RABGAP1L: variants seen among roughly 807,000 people sequenced by gnomAD.
The protein encoded by RABGAP1L is rab GTPase-activating protein 1-like.
A neutral mutation model predicts 137.7 loss-of-function variants in RABGAP1L; 63 were observed. The ratio of observed to expected loss-of-function variants is 0.46; its 90% CI spans 0.37 to 0.56. The LOEUF (loss-of-function observed/expected upper bound fraction) is 0.56. Among genes scored for constraint, RABGAP1L ranks in the 20% least tolerant of loss-of-function variants. The probability of loss-of-function intolerance (pLI) is 0.00; values close to 1 mark genes in which losing one functional copy is unlikely to be tolerated. For missense variants in RABGAP1L, 1,095 were observed against 1,244.0 expected (o/e 0.88, Z 1.80); for synonymous variants, 431 against 433.7 (o/e 0.99, Z 0.08).
chr1:174,878,082 T>A (rs1196325142), intron 19 of RABGAP1L, among the ~76,000 whole-genome samples: 2 of 152,270 alleles, frequency 1.3e-5, no homozygotes, highest in East Asian at 1.9e-4. Flanking sequence ...GTAAAAAAAA[T>A]TTGCCATTCT....
At chr1:174,665,384 C>T (rs1209207960) in intron 14 of RABGAP1L, among the ~76,000 whole-genome samples, 1 of 151,642 alleles carries the variant, frequency 6.6e-6, no homozygotes, top group Non-Finnish European at 1.5e-5. Context: ...CTTTTCCTTT[C>T]CTTTCTTTCT....
At position 174,311,128 on chromosome 1, in the gene RABGAP1L, T is replaced by C. The variant is rs576170335; in HGVS notation, c.1465+6001T>C. Reference sequence around the variant, plus strand: ...CTGCTGTAAGGGTACTACCCAAGATTGGGTAATTTATAAACAAAGGAGGTT... The same window carrying C: ...CTGCTGTAAGGGTACTACCCAAGATCGGGTAATTTATAAACAAAGGAGGTT... On this transcript the variant is annotated intron_variant, in intron 11 of 25. Transcript: ENST00000681986. Among the ~76,000 whole-genome samples, 3 of 152,218 alleles carry C rather than the reference T, an allele frequency of 2.0e-5. No homozygotes were observed. The East Asian group carries it at 5.8e-4, about 29-fold the overall frequency.
At chr1:174,540,729 A>G (rs941525375) in intron 13 of RABGAP1L, among the ~76,000 whole-genome samples, 4 of 152,172 alleles carry the variant, frequency 2.6e-5, no homozygotes, top group Non-Finnish European at 5.9e-5. Flanking sequence ...AGGTAGCGTG[A>G]TGCCTCCAGC....
At chr1:174,915,560 G>T (rs762616820) in intron 19 of RABGAP1L, among the ~76,000 whole-genome samples, 1 of 152,086 alleles carries the variant, frequency 6.6e-6, no homozygotes, top group Non-Finnish European at 1.5e-5. Context: ...AGGTTCAAGC[G>T]ATTCTCCTGC....
chr1:174,757,979 C>T (rs1684896823), intron 18 of RABGAP1L, among the ~76,000 whole-genome samples: 1 of 147,880 alleles, frequency 6.8e-6, no homozygotes, highest in Admixed American at 6.9e-5. Context: ...GCCAAGATTG[C>T]ACCATTGCAC....
At chr1:174,709,804 T>C (rs1007353902) in intron 17 of RABGAP1L, among the ~76,000 whole-genome samples, 1 of 152,128 alleles carries the variant, frequency 6.6e-6, no homozygotes. Context: ...AGCAAGAGAA[T>C]AGAACTGGAT....
intron 10 of RABGAP1L, among the ~76,000 whole-genome samples, chr1:174,299,659 GT>G (rs1279580792): frequency 2.6e-5 from 4 of 152,122 alleles, no homozygotes; most frequent in Non-Finnish European, 5.9e-5. Context: ...TTCAAAATAA[GT>G]TTCCTTGACT....
At chr1:174,277,198 G>A (rs1368795734) in intron 9 of RABGAP1L, among the ~76,000 whole-genome samples, 2 of 151,564 alleles carry the variant, frequency 1.3e-5, no homozygotes, top group African/African-American at 2.4e-5. Flanking sequence ...AAAAATAAAG[G>A]CTAAACAGAA....
Position 174,465,739 on chromosome 1 carries a change from C to T in RABGAP1L, c.1710+71594C>T, listed in dbSNP as rs16847052. ...AGATGGGAGGCAGCTTCTCCATGAACTTTGGTTTACAAATATCTCATCATT... is the reference window on the plus strand; with the variant it reads ...AGATGGGAGGCAGCTTCTCCATGAATTTTGGTTTACAAATATCTCATCATT... On this transcript the variant is annotated intron_variant, in intron 13 of 25. Coordinates refer to ENST00000681986, the MANE Select transcript of RABGAP1L (RefSeq NM_001366446.1). 5.0e-3 allele frequency among the ~76,000 whole-genome samples: 758 copies of T among 152,294 alleles called. 6 individuals are homozygous for T. The highest frequency in any genetic ancestry group is 0.016 in the African/African-American group (656 of 41,556).
chr1:174,745,758 A>G (rs542392967), intron 17 of RABGAP1L, among the ~76,000 whole-genome samples: 1 of 152,336 alleles, frequency 6.6e-6, no homozygotes, highest in South Asian at 2.1e-4. Flanking sequence ...TATTTACCAA[A>G]TACTCAGTTC....
intron 4 of RABGAP1L, among the ~76,000 whole-genome samples, chr1:174,239,896 GC>G (rs1362878449): frequency 2.6e-5 from 4 of 152,098 alleles, no homozygotes; most frequent in African/African-American, 9.7e-5. Flanking sequence ...GAAAACTTTT[GC>G]TAAATTCCAA....
chr1:174,349,903 G>T (rs895748853), intron 11 of RABGAP1L, among the ~76,000 whole-genome samples: 5 of 138,308 alleles, frequency 3.6e-5, no homozygotes, highest in Non-Finnish European at 6.5e-5. Flanking sequence ...CTGGCCAGGT[G>T]GGGGGCTGAC....
chr1:174,347,343 G>C (rs951271361), intron 11 of RABGAP1L, among the ~76,000 whole-genome samples: 2 of 152,108 alleles, frequency 1.3e-5, no homozygotes, highest in Non-Finnish European at 2.9e-5. Context: ...CATTGGGGCT[G>C]ATCTCTTTCT....
At chr1:174,203,061 C>T (rs188953572) in intron 1 of RABGAP1L, among the ~76,000 whole-genome samples, 82 of 152,200 alleles carry the variant, frequency 5.4e-4, no homozygotes, top group Admixed American at 1.4e-3. Flanking sequence ...TTGATGTCTT[C>T]GTCATGAAAT....
intron 17 of RABGAP1L, among the ~76,000 whole-genome samples, chr1:174,726,222 G>A (rs1282169386): frequency 6.6e-6 from 1 of 151,974 alleles, no homozygotes; most frequent in East Asian, 1.9e-4. Flanking sequence ...ATCTTTGCGG[G>A]GTTGGAGTTT....
chr1:174,325,833 G>A (rs1394914919), intron 11 of RABGAP1L, among the ~76,000 whole-genome samples: 1 of 152,182 alleles, frequency 6.6e-6, no homozygotes, highest in Non-Finnish European at 1.5e-5. Flanking sequence ...CATAGGAGCT[G>A]CACTAAAGGG....
intron 19 of RABGAP1L, among the ~76,000 whole-genome samples, chr1:174,817,417 A>T (rs922156742): frequency 1.4e-4 from 22 of 152,200 alleles, no homozygotes; most frequent in African/African-American, 5.1e-4. Flanking sequence ...AGGGAGAAGG[A>T]TGTTTCATGC....
chr1:174,575,274 T>C (rs936067394), intron 13 of RABGAP1L, among the ~76,000 whole-genome samples: 4 of 152,220 alleles, frequency 2.6e-5, no homozygotes, highest in Admixed American at 2.6e-4. Flanking sequence ...GATAACTTTT[T>C]ACCTGGATAA....
intron 19 of RABGAP1L, among the ~76,000 whole-genome samples, chr1:174,861,561 A>G (rs1393810380): frequency 2.0e-5 from 3 of 152,218 alleles, no homozygotes; most frequent in African/African-American, 7.2e-5. Context: ...GCCAATTTAC[A>G]TTTCCACCAA....
Sources: gnomAD v4.1 joint callset for allele counts (sites outside exome capture counted in the v4.1 genomes callset) on GRCh38, gnomAD v4.1.1 for gene constraint, MANE v1.5 for transcripts, NCBI Gene and HGNC (gene_info 2026-07-23, HGNC 2026-07-21) for gene names.